Variants in PDZD8 observed in about 807,000 individuals in gnomAD.
The protein encoded by PDZD8 is PDZ domain containing 8, also known as PDZ domain-containing protein 8.
PDZD8 carries 14 observed loss-of-function variants against 85.8 expected under a neutral mutation model. That is an observed-to-expected ratio of 0.16 (90% CI 0.11 to 0.26). The LOEUF (loss-of-function observed/expected upper bound fraction) is 0.26, where lower values mean the gene tolerates loss of function less well. Among genes scored for constraint, PDZD8 ranks in the 10% least tolerant of loss-of-function variants. PDZD8 has a pLI of 1.00. For synonymous variants in PDZD8, 592 were observed against 568.6 expected, an observed-to-expected ratio of 1.04 and a Z score of -0.59; for missense variants, 1,197 against 1,424.3, an observed-to-expected ratio of 0.84 and a Z score of 2.57.
At chr10:117,308,451 C>T (rs1843981425) in intron 3 of PDZD8, among the ~76,000 whole-genome samples, 1 of 152,054 alleles carries the variant, frequency 6.6e-6, no homozygotes, top group South Asian at 2.1e-4. Flanking sequence ...ACCATAGGAA[C>T]AAAAGAGGTC....
At chr10:117,328,328 C>A (rs185809827) in intron 2 of PDZD8, among the ~76,000 whole-genome samples, 41 of 152,286 alleles carry the variant, frequency 2.7e-4, no homozygotes, top group Admixed American at 4.6e-4. Flanking sequence ...TCTATGTTGA[C>A]TGTCAAGCTT....
chr10:117,351,134 G>A (rs532351671), intron 1 of PDZD8, among the ~76,000 whole-genome samples: 40 of 152,140 alleles, frequency 2.6e-4, no homozygotes, highest in Admixed American at 7.2e-4. Context: ...TAATATCTAC[G>A]AAGCCAGTAG....
chr10:117,344,101 T>C (rs371009621), intron 1 of PDZD8, among the ~76,000 whole-genome samples: 11 of 152,232 alleles, frequency 7.2e-5, no homozygotes, highest in African/African-American at 2.7e-4. Flanking sequence ...ACAAACTACC[T>C]GTACTTCCTC....
intron 1 of PDZD8, among the ~76,000 whole-genome samples, chr10:117,359,402 C>A (rs1268346258): frequency 6.7e-6 from 1 of 150,088 alleles, no homozygotes; most frequent in Non-Finnish European, 1.5e-5. Flanking sequence ...GGTGACAGAG[C>A]GAGACCCTGT....
rs541928947 is a variant in PDZD8, at chr10:117,292,627, CA to C, written c.1099-2280del. Among the ~76,000 whole-genome samples, 44 of 150,716 alleles carry C rather than the reference CA, an allele frequency of 2.9e-4. No homozygotes were observed. In the East Asian group the frequency reaches 5.4e-3, roughly 19 times the overall value. ...TGCTTTTAAAAGTAGAATGGAGATT[CA>C]GGGGGTAGGATTAGGAAGTGAATAG... On this transcript the variant is annotated intron_variant, in intron 3 of 4. Coordinates refer to ENST00000334464, the MANE Select transcript of PDZD8 (RefSeq NM_173791.5).
intron 3 of PDZD8, among the ~76,000 whole-genome samples, chr10:117,303,520 C>T (rs556044479): frequency 3.9e-5 from 6 of 152,306 alleles, no homozygotes; most frequent in South Asian, 2.1e-4. Flanking sequence ...AAATTCAAGC[C>T]GGCTGCAGAA....
At chr10:117,345,712 C>CA (rs1316793583) in intron 1 of PDZD8, among the ~76,000 whole-genome samples, 65 of 151,894 alleles carry the variant, frequency 4.3e-4, no homozygotes, top group Non-Finnish European at 8.7e-4. Context: ...AACAAACAAA[C>CA]AAAAAAACAC....
chr10:117,311,486 C>A (rs1049533193), intron 3 of PDZD8, among the ~76,000 whole-genome samples: 2 of 152,090 alleles, frequency 1.3e-5, no homozygotes, highest in Non-Finnish European at 2.9e-5. Flanking sequence ...CTGAATGCCA[C>A]GTGCTATGAG....
intron 3 of PDZD8, among the ~76,000 whole-genome samples, chr10:117,308,174 C>A (rs9787440): frequency 0.19 from 29,493 of 151,912 alleles, 3,626 homozygotes; most frequent in East Asian, 0.47. Flanking sequence ...TTGACATGGG[C>A]AGCAGCTACT....
At chr10:117,307,720 C>T (rs1272137905) in intron 3 of PDZD8, among the ~76,000 whole-genome samples, 2 of 151,992 alleles carry the variant, frequency 1.3e-5, no homozygotes, top group East Asian at 1.9e-4. Context: ...GTTCCCAAAT[C>T]GACTTTAAAC....
At chr10:117,340,833 A>T in intron 2 of PDZD8, 147 bp downstream of exon 2, 3 of 920,774 alleles carry the variant, frequency 3.3e-6, no homozygotes, top group Non-Finnish European at 3.1e-6. Flanking sequence ...GTTAGAAAGG[A>T]CTACTTTTAT....
intron 2 of PDZD8, among the ~76,000 whole-genome samples, chr10:117,333,363 A>T (rs1444369191): frequency 6.6e-6 from 1 of 152,166 alleles, no homozygotes; most frequent in Non-Finnish European, 1.5e-5. Flanking sequence ...TACAACTAAT[A>T]ATACAATTAT....
chr10:117,366,904 C>T (rs973113164), intron 1 of PDZD8, among the ~76,000 whole-genome samples: 1 of 152,224 alleles, frequency 6.6e-6, no homozygotes, highest in Non-Finnish European at 1.5e-5. Flanking sequence ...GAAATGCCCA[C>T]ACAGTGCCTA....
intron 1 of PDZD8, among the ~76,000 whole-genome samples, chr10:117,346,791 G>A (rs2133856361): frequency 1.3e-5 from 2 of 151,998 alleles, no homozygotes; most frequent in South Asian, 4.2e-4. Context: ...ACCACGTACA[G>A]GCATCATGGC....
intron 1 of PDZD8, among the ~76,000 whole-genome samples, chr10:117,366,477 A>G (rs1024393080): frequency 1.3e-5 from 2 of 151,694 alleles, no homozygotes; most frequent in Admixed American, 6.6e-5. Flanking sequence ...GTTTTTTTTT[A>G]AAGTTTAGAG....
At chr10:117,294,775 G>A (rs1388585207) in intron 3 of PDZD8, among the ~76,000 whole-genome samples, 1 of 152,102 alleles carries the variant, frequency 6.6e-6, no homozygotes, top group Non-Finnish European at 1.5e-5. Context: ...GACAAATACT[G>A]TATGATCTCA....
intron 2 of PDZD8, among the ~76,000 whole-genome samples, chr10:117,324,694 C>A (rs2133819394): frequency 6.6e-6 from 1 of 152,270 alleles, no homozygotes; most frequent in Admixed American, 6.5e-5. Context: ...AAACTGCTAA[C>A]CAAGATCTGG....
rs1264787599 is a variant in PDZD8, at chr10:117,284,567, C to T, written c.2166G>A (p.Lys722=). The T allele has an allele frequency of 6.2e-7, 1 of 1,614,174 alleles. No individual in the cohort carries two copies. Among genetic ancestry groups the T allele is most frequent in the Non-Finnish European group, 8.5e-7 (1 of 1,180,034 alleles). ...GCCCCAAACAGATGAGACCTCCCAA[C>T]TTGAAAGGATCCCTGCACCACAATG... is the stretch of plus-strand genomic sequence containing the variant. ...NIALWCRDPF[K]LGGLICLGHV... is the part of the protein sequence containing the mutation. Residue 722 remains lysine (K), a synonymous_variant, in exon 5 of 5, where the codon AAG becomes AAA. Transcript: ENST00000334464.
intron 1 of PDZD8, among the ~76,000 whole-genome samples, chr10:117,364,352 C>T (rs527720988): frequency 4.6e-5 from 7 of 152,122 alleles, no homozygotes; most frequent in African/African-American, 1.7e-4. Flanking sequence ...AAAATATGTT[C>T]CATAAATTAT....
Sources: gnomAD v4.1 joint callset for allele counts (sites outside exome capture counted in the v4.1 genomes callset) on GRCh38, gnomAD v4.1.1 for gene constraint, MANE v1.5 for transcripts, NCBI Gene and HGNC (gene_info 2026-07-23, HGNC 2026-07-21) for gene names.